The following STK33 variants were observed in gnomAD, a reference collection of about 807,000 sequenced individuals.
The protein encoded by STK33 is serine/threonine kinase 33, also known as serine/threonine-protein kinase 33.
In STK33, 52 loss-of-function variants were observed where a neutral mutation model predicts 58.0. That is an observed-to-expected ratio of 0.90 (90% CI 0.72 to 1.13). STK33 has a LOEUF of 1.13. Among genes scored for constraint, STK33 ranks in the 50% most tolerant of loss-of-function variants. The probability of loss-of-function intolerance (pLI) is 0.00; values close to 1 mark genes in which losing one functional copy is unlikely to be tolerated. For missense variants in STK33, 630 were observed against 604.2 expected (o/e 1.04, Z -0.45); for synonymous variants, 215 against 200.1 (o/e 1.07, Z -0.63).
At chr11:8,563,575 T>A (rs1957254307) in intron 1 of STK33, among the ~76,000 whole-genome samples, 1 of 152,196 alleles carries the variant, frequency 6.6e-6, no homozygotes, top group Non-Finnish European at 1.5e-5. Flanking sequence ...AGCAACAGTC[T>A]TTATCAGCAA....
Position 8,392,255 on chromosome 11 carries a change from T to C in STK33, c.*255A>G. 1 of 502,140 alleles carries C rather than the reference T, an allele frequency of 2.0e-6. No individual in the cohort carries two copies. The allele number at this position is 502,140 out of a possible 1,614,324, so 31.1% of individuals were successfully genotyped here. On this transcript the variant is annotated 3_prime_UTR_variant, in exon 16 of 16. Coordinates refer to ENST00000687296, the MANE Select transcript of STK33 (RefSeq NM_001352389.2). The stretch of plus-strand genomic sequence containing the variant: ...TATCTGCCCCCCTAAAAAACCTTCG[T>C]GTACATCTTGAGTTGATTTCCACTG...
At chr11:8,464,868 G>C (rs1479846557) in intron 6 of STK33, 46 bp from the exon 7 acceptor site, 2 of 1,283,538 alleles carry the variant, frequency 1.6e-6, no homozygotes, top group East Asian at 4.6e-5. Flanking sequence ...CCATTCATCA[G>C]CTATTAAAAA....
intron 1 of STK33, among the ~76,000 whole-genome samples, chr11:8,536,764 G>A (rs1012976492): frequency 6.7e-6 from 1 of 149,522 alleles, no homozygotes; most frequent in Non-Finnish European, 1.5e-5. Flanking sequence ...TTTTTTTGTT[G>A]TTGTTTATTT....
the STK33 span, among the ~76,000 whole-genome samples, chr11:8,380,560 C>CAAA: frequency 2.1e-5 from 2 of 97,158 alleles, no homozygotes; most frequent in Admixed American, 1.1e-4. Flanking sequence ...AACTCCTTCT[C>CAAA]AAAAAAAAAA....
chr11:8,478,900 T>C (rs952929772), intron 2 of STK33, among the ~76,000 whole-genome samples: 1 of 152,248 alleles, frequency 6.6e-6, no homozygotes, highest in Non-Finnish European at 1.5e-5. Flanking sequence ...ACTTGTTTAT[T>C]CTTTTCATTA....
chr11:8,589,346 G>C (rs1451934591), intron 1 of STK33, among the ~76,000 whole-genome samples: 2 of 152,252 alleles, frequency 1.3e-5, no homozygotes, highest in African/African-American at 4.8e-5. Flanking sequence ...ATAAAGTACT[G>C]ATACATACTA....
chr11:8,447,164 A>C (rs1204137570), intron 11 of STK33, among the ~76,000 whole-genome samples: 1 of 152,214 alleles, frequency 6.6e-6, no homozygotes, highest in African/African-American at 2.4e-5. Context: ...ATGAACAGAC[A>C]CTTTTCAAAA....
chr11:8,450,975 G>A (rs1946204413), intron 11 of STK33, among the ~76,000 whole-genome samples: 1 of 152,084 alleles, frequency 6.6e-6, no homozygotes, highest in Non-Finnish European at 1.5e-5. Flanking sequence ...TTAGGAAAAT[G>A]CAAATTAAAA....
At chr11:8,388,837 G>T (rs1209164915), downstream of STK33, among the ~76,000 whole-genome samples, 1 of 152,224 alleles carries the variant, frequency 6.6e-6, no homozygotes, top group Non-Finnish European at 1.5e-5. Flanking sequence ...CAACGCTCCA[G>T]GTATCCTGCC....
In STK33 at chr11:8,400,421, G is replaced by T. The variant is rs948558973; in HGVS notation, c.1345-7711C>A. ...AAGGCCTTTGACAAAATTCAACAAT[G>T]CTTCATGCTAAAAACTCTCAATAAA... On this transcript the variant is annotated intron_variant, in intron 15 of 15. Coordinates refer to ENST00000687296, the MANE Select transcript of STK33 (RefSeq NM_001352389.2). Among the ~76,000 whole-genome samples, 3 of 152,036 alleles carry T rather than the reference G, an allele frequency of 2.0e-5. No individual in the cohort carries two copies. The South Asian group carries it at 6.2e-4, about 32-fold the overall frequency.
the STK33 span, among the ~76,000 whole-genome samples, chr11:8,356,935 T>C: frequency 6.6e-6 from 1 of 152,158 alleles, no homozygotes; most frequent in Non-Finnish European, 1.5e-5. Flanking sequence ...AAGTTGGCCC[T>C]GAGCTAGAGG....
chr11:8,551,280 C>T (rs1956282090), intron 1 of STK33, among the ~76,000 whole-genome samples: 1 of 152,052 alleles, frequency 6.6e-6, no homozygotes, highest in Non-Finnish European at 1.5e-5. Context: ...TAGGTGCCTA[C>T]CACCACAACT....
chr11:8,552,275 T>C (rs770870655), intron 1 of STK33, among the ~76,000 whole-genome samples: 8 of 152,204 alleles, frequency 5.3e-5, no homozygotes, highest in East Asian at 1.9e-4. Context: ...TGTGAGTCTA[T>C]GGGGTTTCTC....
At chr11:8,399,537 C>A (rs578051263) in intron 15 of STK33, among the ~76,000 whole-genome samples, 107 of 152,224 alleles carry the variant, frequency 7.0e-4, no homozygotes, top group African/African-American at 2.5e-3. Context: ...AACTGACACC[C>A]TAACATCACA....
intron 1 of STK33, among the ~76,000 whole-genome samples, chr11:8,557,864 A>G (rs959000064): frequency 2.0e-5 from 3 of 152,250 alleles, no homozygotes; most frequent in Non-Finnish European, 2.9e-5. Flanking sequence ...TTCATGCCAC[A>G]AACTTGGTGC....
At chr11:8,509,116 CAAAAAAAAAAAAA>C (rs1161851155) in intron 1 of STK33, among the ~76,000 whole-genome samples, 2 of 45,416 alleles carry the variant, frequency 4.4e-5, no homozygotes, top group Non-Finnish European at 8.9e-5. Flanking sequence ...AACTCTGTCT[CAAAAAAAAAAAAA>C]AAAAAAAAAA....
chr11:8,419,739 T>A (rs931252561), intron 14 of STK33, among the ~76,000 whole-genome samples: 6 of 152,118 alleles, frequency 3.9e-5, no homozygotes, highest in South Asian at 2.1e-4. Flanking sequence ...CCGTTTTTTT[T>A]AAGAAAATCT....
chr11:8,447,404 C>T (rs533567341), intron 11 of STK33, among the ~76,000 whole-genome samples: 115 of 152,180 alleles, frequency 7.6e-4, no homozygotes, highest in African/African-American at 2.7e-3. Flanking sequence ...ACTGGCAAAC[C>T]AAATCCAGCA....
intron 1 of STK33, among the ~76,000 whole-genome samples, chr11:8,503,614 T>G (rs1329914306): frequency 2.0e-5 from 3 of 152,156 alleles, no homozygotes; most frequent in Admixed American, 6.5e-5. Flanking sequence ...CCCCTGAAAC[T>G]AAAAGTTAAA....
Sources: gnomAD v4.1 joint callset for allele counts (sites outside exome capture counted in the v4.1 genomes callset) on GRCh38, gnomAD v4.1.1 for gene constraint, MANE v1.5 for transcripts, NCBI Gene and HGNC (gene_info 2026-07-23, HGNC 2026-07-21) for gene names.